The following PTPRG variants were observed in gnomAD, a reference collection of about 807,000 sequenced individuals.
PTPRG encodes the protein receptor-type tyrosine-protein phosphatase gamma.
A neutral mutation model predicts 165.3 loss-of-function variants in PTPRG; 102 were observed. The ratio of observed to expected loss-of-function variants is 0.62; its 90% CI spans 0.53 to 0.73. PTPRG has a LOEUF of 0.73. PTPRG is among the 30% of genes least tolerant of loss of function. PTPRG has a pLI of 0.00. For missense variants in PTPRG, 1,866 were observed against 1,861.4 expected (o/e 1.00, Z -0.05); for synonymous variants, 675 against 669.5 (o/e 1.01, Z -0.13).
chr3:61,814,881 C>CT (rs1339496998), intron 2 of PTPRG, among the ~76,000 whole-genome samples: 1 of 151,756 alleles, frequency 6.6e-6, no homozygotes, highest in Admixed American at 6.6e-5. Context: ...GGCAGCAACT[C>CT]TATCAGGAAG....
intron 2 of PTPRG, among the ~76,000 whole-genome samples, chr3:61,972,187 C>A (rs962466068): frequency 6.6e-6 from 1 of 152,164 alleles, no homozygotes; most frequent in South Asian, 2.1e-4. Flanking sequence ...GACTGAGTTG[C>A]CTGTTACTCT....
At chr3:62,118,752 A>G (rs1309159138) in intron 5 of PTPRG, among the ~76,000 whole-genome samples, 1 of 152,082 alleles carries the variant, frequency 6.6e-6, no homozygotes, top group Non-Finnish European at 1.5e-5. Flanking sequence ...GCATCTTTTC[A>G]TTTTACCCCT....
intron 3 of PTPRG, among the ~76,000 whole-genome samples, chr3:62,000,650 T>C (rs930961528): frequency 6.6e-6 from 1 of 152,028 alleles, no homozygotes; most frequent in Non-Finnish European, 1.5e-5. Flanking sequence ...TCCTCCCAAA[T>C]AGTATTTGAG....
At chr3:61,695,226 G>C (rs1279493909) in intron 1 of PTPRG, among the ~76,000 whole-genome samples, 1 of 152,138 alleles carries the variant, frequency 6.6e-6, no homozygotes, top group African/African-American at 2.4e-5. Flanking sequence ...GCCAAGGCTG[G>C]TCTCGAACTC....
intron 5 of PTPRG, among the ~76,000 whole-genome samples, chr3:62,081,113 C>A (rs1184068423): frequency 6.6e-6 from 1 of 151,802 alleles, no homozygotes; most frequent in East Asian, 2.0e-4. Flanking sequence ...AAAAATTAGC[C>A]GGGCGTGGTG....
intron 5 of PTPRG, among the ~76,000 whole-genome samples, chr3:62,103,394 G>A (rs1378372927): frequency 1.3e-5 from 2 of 150,776 alleles, no homozygotes. Context: ...TGTCTAACTA[G>A]AATTCTTCTA....
chr3:61,979,112 T>C (rs1442159545), intron 2 of PTPRG, among the ~76,000 whole-genome samples: 1 of 152,144 alleles, frequency 6.6e-6, no homozygotes, highest in Non-Finnish European at 1.5e-5. Flanking sequence ...GGATTGTTGA[T>C]GTTAGTCATT....
At chr3:61,586,858 C>T (rs1242399037) in intron 1 of PTPRG, among the ~76,000 whole-genome samples, 1 of 152,214 alleles carries the variant, frequency 6.6e-6, no homozygotes, top group Non-Finnish European at 1.5e-5. Context: ...TATTCCTTAT[C>T]ATTTGTAGAC....
At chr3:62,084,204 G>C (rs991876760) in intron 5 of PTPRG, among the ~76,000 whole-genome samples, 2 of 152,124 alleles carry the variant, frequency 1.3e-5, no homozygotes, top group African/African-American at 2.4e-5. Flanking sequence ...TAGTCAATAG[G>C]TATATTTCTG....
At chr3:61,763,654 A>T (rs2033929145) in intron 2 of PTPRG, among the ~76,000 whole-genome samples, 1 of 152,058 alleles carries the variant, frequency 6.6e-6, no homozygotes, top group Admixed American at 6.6e-5. Context: ...TACAGGCTTG[A>T]GCCACTGTAC....
intron 2 of PTPRG, among the ~76,000 whole-genome samples, chr3:61,901,824 C>G (rs139805990): frequency 6.1e-4 from 93 of 152,284 alleles, no homozygotes; most frequent in African/African-American, 2.0e-3. Context: ...TTTCTTTTTC[C>G]TTTACTTTGT....
intron 1 of PTPRG, among the ~76,000 whole-genome samples, chr3:61,728,302 C>G (rs1370923721): frequency 5.9e-5 from 9 of 152,166 alleles, no homozygotes; most frequent in Non-Finnish European, 1.3e-4. Context: ...GGATTTAAAG[C>G]TATGCATGGT....
chr3:62,125,085 G>A (rs764130044), intron 5 of PTPRG, among the ~76,000 whole-genome samples: 1 of 152,056 alleles, frequency 6.6e-6, no homozygotes, highest in South Asian at 2.1e-4. Flanking sequence ...TGAGCTGAGG[G>A]CCCCTAGCTT....
chr3:61,954,644 A>G (rs1459995541), intron 2 of PTPRG, among the ~76,000 whole-genome samples: 2 of 152,124 alleles, frequency 1.3e-5, no homozygotes, highest in Non-Finnish European at 2.9e-5. Flanking sequence ...CCAGGGGGAG[A>G]ATTTAAGGTG....
intron 1 of PTPRG, among the ~76,000 whole-genome samples, chr3:61,596,953 A>G (rs1393036009): frequency 6.6e-6 from 1 of 152,128 alleles, no homozygotes; most frequent in African/African-American, 2.4e-5. Flanking sequence ...GGTAATTTAT[A>G]GTGAAGAGAA....
chr3:62,115,179 T>A (rs1576019927), intron 5 of PTPRG, among the ~76,000 whole-genome samples: 1 of 152,328 alleles, frequency 6.6e-6, no homozygotes, highest in East Asian at 1.9e-4. Flanking sequence ...GTGACCTGAC[T>A]ACCAACCAGA....
In PTPRG at chr3:61,906,778, T is replaced by TGTAGGTAG. The variant is rs71123239; in HGVS notation, c.191-82802_191-82795dup. Among the ~76,000 whole-genome samples the TGTAGGTAG allele has an allele frequency of 6.4e-4, 94 of 146,972 alleles. 1 individual carries two copies. The highest frequency in any genetic ancestry group is 1.0e-3 in the African/African-American group (41 of 39,816). On this transcript the variant is annotated intron_variant, in intron 2 of 29. Coordinates refer to ENST00000474889, the MANE Select transcript of PTPRG (RefSeq NM_002841.4). ...TGGGCTGGGAGACAGAGTGAGACCC[T>TGTAGGTAG]GTAGGTAGGTAGGTAGGTAGGTAGG...
intron 1 of PTPRG, among the ~76,000 whole-genome samples, chr3:61,679,237 C>T (rs1032365695): frequency 5.3e-5 from 8 of 152,166 alleles, no homozygotes; most frequent in Admixed American, 5.2e-4. Flanking sequence ...AACTAATGGC[C>T]ATCGCATTTG....
At chr3:61,908,357 G>A (rs1197471059) in intron 2 of PTPRG, among the ~76,000 whole-genome samples, 12 of 148,598 alleles carry the variant, frequency 8.1e-5, no homozygotes, top group African/African-American at 2.0e-4. Flanking sequence ...CCTGGGAGGC[G>A]GAGTTTGCAG....
Sources: allele counts gnomAD v4.1 joint callset (sites outside exome capture counted in the v4.1 genomes callset), GRCh38; gene constraint gnomAD v4.1.1; transcripts MANE v1.5; gene names NCBI Gene and HGNC (gene_info 2026-07-23, HGNC 2026-07-21).